FAM20C: variants seen among roughly 807,000 people sequenced by gnomAD.
FAM20C encodes the protein FAM20C golgi associated secretory pathway kinase, also known as extracellular serine/threonine protein kinase FAM20C.
Under a neutral mutation model 51.5 loss-of-function variants are expected in FAM20C, and 40 were observed. The observed-to-expected ratio is 0.78, with a 90% confidence interval of 0.60 to 1.01. The LOEUF (loss-of-function observed/expected upper bound fraction) is 1.01, where lower values mean the gene tolerates loss of function less well. Ranked by LOEUF, FAM20C falls within the 50% of genes least tolerant of loss-of-function variation. The pLI is 0.00. For synonymous variants in FAM20C, 406 were observed against 380.6 expected, an observed-to-expected ratio of 1.07 and a Z score of -0.78; for missense variants, 861 against 844.7, an observed-to-expected ratio of 1.02 and a Z score of -0.24.
intron 3 of FAM20C, among the ~76,000 whole-genome samples, chr7:234,340 A>G (rs1370962664): frequency 6.6e-6 from 1 of 152,170 alleles, no homozygotes; most frequent in Non-Finnish European, 1.5e-5. Context: ...CAGCCTTTAA[A>G]AGTCTTCCTT....
intron 6 of FAM20C, chr7:256,307 G>C: frequency 1.7e-6 from 1 of 578,560 alleles, no homozygotes; most frequent in Non-Finnish European, 3.0e-6. Context: ...CTCTCGCCCC[G>C]TCCCTCTCCT....
chr7:235,764 G>A (rs1787830611), intron 3 of FAM20C, among the ~76,000 whole-genome samples: 1 of 152,200 alleles, frequency 6.6e-6, no homozygotes, highest in Non-Finnish European at 1.5e-5. Flanking sequence ...GGACGGGGCT[G>A]CCCACCTGTC....
intron 3 of FAM20C, among the ~76,000 whole-genome samples, chr7:227,040 C>G (rs1258971575): frequency 6.6e-6 from 1 of 152,142 alleles, no homozygotes; most frequent in African/African-American, 2.4e-5. Flanking sequence ...CCCAGGCCGT[C>G]CGACCCTGGC....
chr7:252,654 G>A (rs1396917408), intron 5 of FAM20C, among the ~76,000 whole-genome samples: 1 of 152,198 alleles, frequency 6.6e-6, no homozygotes, highest in South Asian at 2.1e-4. Flanking sequence ...GTGAGGGGGC[G>A]AGAGGTGGCC....
intron 3 of FAM20C, among the ~76,000 whole-genome samples, chr7:214,585 G>C (rs1188496378): frequency 1.3e-5 from 2 of 152,218 alleles, no homozygotes; most frequent in African/African-American, 4.8e-5. Flanking sequence ...GACGGGCCTG[G>C]CGTAGCCACT....
intron 3 of FAM20C, among the ~76,000 whole-genome samples, chr7:241,834 TAC>T (rs1787956900): frequency 6.6e-6 from 1 of 151,662 alleles, no homozygotes; most frequent in African/African-American, 2.4e-5. Context: ...TGCCCGTGTG[TAC>T]GTTTGTGAGC....
At chr7:254,952 G>A (rs150600175) in intron 5 of FAM20C, among the ~76,000 whole-genome samples, 22,183 of 152,154 alleles carry the variant, frequency 0.15, 2,072 homozygotes, top group African/African-American at 0.26. Flanking sequence ...TCGTGTCATC[G>A]CACGGATGGA....
chr7:241,184 C>G (rs1203266832), intron 3 of FAM20C, among the ~76,000 whole-genome samples: 3 of 152,088 alleles, frequency 2.0e-5, no homozygotes, highest in Non-Finnish European at 4.4e-5. Flanking sequence ...CTGGGTCTGG[C>G]CCCTTCCCTG....
intron 2 of FAM20C, among the ~76,000 whole-genome samples, chr7:199,403 G>C (rs999421888): frequency 6.6e-6 from 1 of 152,258 alleles, no homozygotes; most frequent in Non-Finnish European, 1.5e-5. Context: ...GGAAACCAAG[G>C]CTCTTAGGGC....
intron 3 of FAM20C, among the ~76,000 whole-genome samples, chr7:223,984 C>G (rs1047125428): frequency 6.6e-6 from 1 of 152,142 alleles, no homozygotes; most frequent in Non-Finnish European, 1.5e-5. Flanking sequence ...CCTGTGTCTG[C>G]CCCGGGCTCC....
rs142902096 is a variant in FAM20C at position 255,366 on chromosome 7, C to G, written c.1073-483C>G. Among the ~76,000 whole-genome samples, 1,242 of 152,288 alleles carry G rather than the reference C, an allele frequency of 8.2e-3. 30 individuals carry two copies. The highest frequency in any genetic ancestry group is 0.061 in the East Asian group (316 of 5,168). ...GTCTCTTCTCATGCTTGTCGGCCAT[C>G]AGGGTCGTCTTTGGAGAATCAGCTG... On this transcript the variant is annotated intron_variant, in intron 5 of 9. Coordinates refer to ENST00000313766, the MANE Select transcript of FAM20C (RefSeq NM_020223.4).
At position 193,091 on chromosome 7, in the gene FAM20C, C is replaced by T. The variant is rs116903250; in HGVS notation, c.-109C>T. ...GACAGCCCCGGAGCTGGTAGCCGCCCGGCACCGATGGACCTTGACCCGCGA... is the reference window on the plus strand; with the variant it reads ...GACAGCCCCGGAGCTGGTAGCCGCCTGGCACCGATGGACCTTGACCCGCGA... On this transcript the variant is annotated 5_prime_UTR_variant, in exon 1 of 10. Coordinates refer to ENST00000313766, the MANE Select transcript of FAM20C (RefSeq NM_020223.4). 93,848 of 1,015,168 alleles carry T rather than the reference C, an allele frequency of 0.092. 4,981 individuals are homozygous for T. The highest frequency in any genetic ancestry group is 0.11 in the Non-Finnish European group (82,928 of 783,944). The allele number at this position is 1,015,168 out of a possible 1,614,324, so 62.9% of individuals were successfully genotyped here.
At chr7:249,380 C>A (rs548075546) in intron 5 of FAM20C, among the ~76,000 whole-genome samples, 2 of 152,246 alleles carry the variant, frequency 1.3e-5, no homozygotes, top group African/African-American at 4.8e-5. Flanking sequence ...CAAGACTCTA[C>A]GTGATAAGTA....
At chr7:229,119 C>G in intron 3 of FAM20C, 1 of 338,292 alleles carries the variant, frequency 3.0e-6, no homozygotes, top group South Asian at 2.3e-5. Context: ...CAGGAGGGGC[C>G]CTTCACGTCC....
chr7:260,690 G>C lies in FAM20C; in HGVS notation c.*710G>C, dbSNP rs981207686. The C allele has an allele frequency of 6.6e-6, 1 of 152,432 alleles. No homozygotes were observed. Among genetic ancestry groups the C allele is most frequent in the South Asian group, 2.1e-4 (1 of 4,826 alleles). 9.4% of individuals were successfully genotyped at this position (152,432 alleles called of 1,614,324 possible). ...GCAGCTGTGGGCTGACCTTTGCAGA[G>C]TTTTGTGGAATAGTTTGCAATGTCA... On this transcript the variant is annotated 3_prime_UTR_variant, in exon 10 of 10. Coordinates refer to ENST00000313766, the MANE Select transcript of FAM20C (RefSeq NM_020223.4).
chr7:227,414 A>C (rs1787488875), intron 3 of FAM20C: 1 of 152,060 alleles, frequency 6.6e-6, no homozygotes, highest in Admixed American at 6.6e-5. Flanking sequence ...AGACAAGCAG[A>C]GAACGGGCTC....
chr7:223,966 A>G (rs1787351134), intron 3 of FAM20C, among the ~76,000 whole-genome samples: 1 of 152,016 alleles, frequency 6.6e-6, no homozygotes, highest in Admixed American at 6.6e-5. Context: ...CCTCCACCCC[A>G]GGACCGTCCT....
chr7:243,938 A>ATTATTATTATTATT (rs1554254448), intron 3 of FAM20C, among the ~76,000 whole-genome samples: 6 of 113,172 alleles, frequency 5.3e-5, no homozygotes, highest in African/African-American at 1.9e-4. Context: ...TAATAATAAT[A>ATTATTATTATTATT]ATAATAATTA....
Position 214,960 on chromosome 7 carries a change from C to T in FAM20C, c.863+5984C>T, listed in dbSNP as rs531449252. On this transcript the variant is annotated intron_variant, in intron 3 of 9. Transcript: ENST00000313766. ...GGCCTCCCGCCAGGCACTGGGAACACAGATGTGACTCAGACTCGAAGCCTG... is the reference window on the plus strand; with the variant it reads ...GGCCTCCCGCCAGGCACTGGGAACATAGATGTGACTCAGACTCGAAGCCTG... Among the ~76,000 whole-genome samples the T allele has an allele frequency of 1.9e-3, 283 of 152,224 alleles. 1 individual carries two copies. Among genetic ancestry groups the T allele is most frequent in the African/African-American group, 6.5e-3 (269 of 41,544 alleles).
Sources: gnomAD v4.1 joint callset for allele counts (sites outside exome capture counted in the v4.1 genomes callset) on GRCh38, gnomAD v4.1.1 for gene constraint, MANE v1.5 for transcripts, NCBI Gene and HGNC (gene_info 2026-07-23, HGNC 2026-07-21) for gene names.